The following ATL2 variants were observed in gnomAD, a reference collection of about 807,000 sequenced individuals.
The protein encoded by ATL2 is atlastin-2.
A neutral mutation model predicts 73.9 loss-of-function variants in ATL2; 31 were observed. The ratio of observed to expected loss-of-function variants is 0.42; its 90% CI spans 0.32 to 0.57. The LOEUF (loss-of-function observed/expected upper bound fraction) is 0.57. Ranked by LOEUF, ATL2 falls within the 20% of genes least tolerant of loss-of-function variation. The pLI is 0.14. For synonymous variants in ATL2, 291 were observed against 237.5 expected (o/e 1.23, Z -2.07); for missense variants, 738 against 702.6 (o/e 1.05, Z -0.57).
intron 1 of ATL2, among the ~76,000 whole-genome samples, chr2:38,348,447 C>G (rs1188729647): frequency 6.7e-6 from 1 of 149,170 alleles, no homozygotes; most frequent in Admixed American, 6.6e-5. Context: ...GCCTGGGCAA[C>G]AAGAGCGAAA....
intron 1 of ATL2, among the ~76,000 whole-genome samples, chr2:38,345,131 T>C (rs1338668379): frequency 6.6e-6 from 1 of 152,100 alleles, no homozygotes. Context: ...CTGGGGACCT[T>C]ATCTTCTCCC....
At chr2:38,377,569 C>T (rs1316879612), upstream of ATL2, among the ~76,000 whole-genome samples, 2 of 152,172 alleles carry the variant, frequency 1.3e-5, no homozygotes, top group Non-Finnish European at 2.9e-5. Flanking sequence ...CCCCACCTCC[C>T]TGAGCTCAGC....
chr2:38,361,284 G>T (rs1486617315), intron 1 of ATL2, among the ~76,000 whole-genome samples: 1 of 150,794 alleles, frequency 6.6e-6, no homozygotes, highest in Non-Finnish European at 1.5e-5. Flanking sequence ...AACCCGGGAG[G>T]TGGAGCCTGC....
chr2:38,343,385 C>G lies in ATL2; in HGVS notation c.246G>C (p.Gln82His), dbSNP rs759037747. The G allele has an allele frequency of 3.1e-6, 5 of 1,612,416 alleles. No homozygotes were observed. The South Asian group carries it at 5.5e-5, about 18-fold the overall frequency. Reference protein sequence around the residue: ...NFELDEEALEQILLQEHIRDL... With the variant: ...NFELDEEALEHILLQEHIRDL... The stretch of plus-strand genomic sequence containing the variant: ...CTCGTATGTGCTCCTGTAGCAATAT[C>G]TGCTCCAAAGCTTCTTCATCAAGTT... The change falls in exon 2 of 13, where the codon CAG becomes CAC. Residue 82 changes from glutamine to histidine, a missense_variant. Physicochemically the swap from Gln to His is conservative, Grantham distance 24. Transcript: ENST00000378954.
intron 6 of ATL2, 104 bp from the exon 7 acceptor site, chr2:38,313,347 C>T: frequency 1.3e-6 from 1 of 788,992 alleles, no homozygotes; most frequent in South Asian, 1.9e-5. Context: ...CCTAAACAAT[C>T]CTTATCAAAA....
chr2:38,333,469 T>TA (rs1669121231), intron 2 of ATL2, among the ~76,000 whole-genome samples: 1 of 152,212 alleles, frequency 6.6e-6, no homozygotes, highest in African/African-American at 2.4e-5. Flanking sequence ...CTAAATGTTC[T>TA]AAAACTGGTG....
At chr2:38,367,619 G>C (rs139486318) in intron 1 of ATL2, among the ~76,000 whole-genome samples, 1 of 112,050 alleles carries the variant, frequency 8.9e-6, no homozygotes. Context: ...AAAAAAAACC[G>C]CCCATTTAAA....
At chr2:38,348,267 G>A (rs916047536) in intron 1 of ATL2, among the ~76,000 whole-genome samples, 5 of 151,876 alleles carry the variant, frequency 3.3e-5, no homozygotes, top group African/African-American at 9.7e-5. Context: ...AGGAGTTTAA[G>A]GCCAGCCTGA....
rs76178845 is a variant in ATL2 at position 38,306,745 on chromosome 2, T to A, written c.1071+2634A>T. 2.2e-3 allele frequency among the ~76,000 whole-genome samples: 329 copies of A among 152,266 alleles called. 5 individuals carry two copies. Among genetic ancestry groups the A allele is most frequent in the African/African-American group, 7.3e-3 (304 of 41,544 alleles). On this transcript the variant is annotated intron_variant, in intron 9 of 12. Coordinates refer to ENST00000378954, the MANE Select transcript of ATL2 (RefSeq NM_001135673.4). ...TCAAAAGGTACAGAAGAAACAGATC[T>A]CAACATAATAAAAGCTGTATACAAC...
rs762050463 is a variant in ATL2 at position 38,309,275 on chromosome 2, CTT to C, written c.1071+102_1071+103del. On this transcript the variant is annotated intron_variant, in intron 9 of 12. Transcript: ENST00000378954. Reference sequence around the variant, plus strand: ...AGAAAGATAAATCACAAATCTTACTCTTTTTTGTTTTAAAATAAAGACAAGAA... The same window carrying C: ...AGAAAGATAAATCACAAATCTTACTCTTTTGTTTTAAAATAAAGACAAGAA... The C allele has an allele frequency of 4.3e-4, 490 of 1,127,396 alleles. 1 individual carries two copies. Among genetic ancestry groups the C allele is most frequent in the Non-Finnish European group, 5.8e-4 (479 of 826,672 alleles). The allele number at this position is 1,127,396 out of a possible 1,614,324, so 69.8% of individuals were successfully genotyped here. A position where few individuals can be genotyped will look rare whatever the true frequency, so the allele number is the denominator to read the frequency against.
intron 2 of ATL2, among the ~76,000 whole-genome samples, chr2:38,336,121 A>T (rs1346905877): frequency 6.6e-6 from 1 of 152,246 alleles, no homozygotes; most frequent in Non-Finnish European, 1.5e-5. Context: ...TTGAGAAAGA[A>T]CATAAGACAG....
chr2:38,318,528 G>T lies in ATL2; in HGVS notation c.603+7C>A. On this transcript the variant is annotated splice_region_variant and intron_variant, in intron 4 of 12. Coordinates refer to ENST00000378954, the MANE Select transcript of ATL2 (RefSeq NM_001135673.4). Reference sequence around the variant, plus strand: ...AACTGATCGCACCACTTAATCTTGTGTCTCACCTGGACAGAGCTAGTCATA... The same window carrying T: ...AACTGATCGCACCACTTAATCTTGTTTCTCACCTGGACAGAGCTAGTCATA... The T allele has an allele frequency of 6.4e-7, 1 of 1,565,636 alleles. No homozygotes were observed. Among genetic ancestry groups the T allele is most frequent in the Non-Finnish European group, 8.6e-7 (1 of 1,158,454 alleles).
At chr2:38,307,681 G>C (rs1390622704) in intron 9 of ATL2, among the ~76,000 whole-genome samples, 1 of 151,954 alleles carries the variant, frequency 6.6e-6, no homozygotes, top group African/African-American at 2.4e-5. Flanking sequence ...CACAGACTGG[G>C]AGAAGACATT....
upstream of ATL2, chr2:38,377,405 C>T (rs1266255125): frequency 9.2e-6 from 6 of 651,546 alleles, no homozygotes; most frequent in Non-Finnish European, 1.3e-5. Context: ...ATCTCCTCGC[C>T]CTCCGCCTGT....
intron 2 of ATL2, among the ~76,000 whole-genome samples, chr2:38,327,483 T>C (rs1668728943): frequency 7.4e-6 from 1 of 134,462 alleles, no homozygotes. Context: ...TCAAGTAAAA[T>C]GTTCAATTAA....
intron 2 of ATL2, among the ~76,000 whole-genome samples, chr2:38,331,229 T>C (rs564591307): frequency 6.6e-6 from 1 of 152,008 alleles, no homozygotes; most frequent in East Asian, 1.9e-4. Context: ...GGTCAAGAGA[T>C]GGAGACCATC....
intron 1 of ATL2, among the ~76,000 whole-genome samples, chr2:38,354,349 C>T (rs1387678453): frequency 2.6e-5 from 4 of 152,134 alleles, no homozygotes; most frequent in Non-Finnish European, 5.9e-5. Context: ...AAGACTGGTT[C>T]TTTCTTCCAA....
chr2:38,320,131 T>C (rs6736761), intron 2 of ATL2, among the ~76,000 whole-genome samples: 14,456 of 152,068 alleles, frequency 0.095, 2,292 homozygotes, highest in African/African-American at 0.33. Context: ...AAAAAATCAA[T>C]TTAAAAAATA....
At chr2:38,296,615 G>A (rs1666908063) in intron 12 of ATL2, 1 of 1,611,936 alleles carries the variant, frequency 6.2e-7, no homozygotes, top group African/African-American at 1.3e-5. Context: ...GATTTGTTAG[G>A]AGAATGAATC....
Sources: allele counts gnomAD v4.1 joint callset (sites outside exome capture counted in the v4.1 genomes callset), GRCh38; gene constraint gnomAD v4.1.1; transcripts MANE v1.5; gene names NCBI Gene and HGNC (gene_info 2026-07-23, HGNC 2026-07-21).